The following BRD1 variants were observed in gnomAD, a reference collection of about 807,000 sequenced individuals.
BRD1 encodes bromodomain-containing protein 1.
Under a neutral mutation model 107.7 loss-of-function variants are expected in BRD1, and 24 were observed. The ratio of observed to expected loss-of-function variants is 0.22; its 90% CI spans 0.16 to 0.31. BRD1 has a LOEUF of 0.31. BRD1 is among the 10% of genes least tolerant of loss of function. The pLI is 1.00. For missense variants in BRD1, 1,279 were observed against 1,638.6 expected (o/e 0.78, Z 3.79); for synonymous variants, 744 against 686.1 (o/e 1.08, Z -1.32).
intron 2 of BRD1, chr22:49,818,483 T>C (rs893047517): frequency 4.1e-6 from 3 of 740,134 alleles, no homozygotes; most frequent in Admixed American, 1.0e-4. Flanking sequence ...TTTCACCCCA[T>C]GTATGAACTC....
chr22:49,774,462 TATTTC>T, intron 12 of BRD1, 46 bp from the exon 13 acceptor site: 1 of 1,570,806 alleles, frequency 6.4e-7, no homozygotes. Context: ...TTGCACATGG[TATTTC>T]AGCAGGCTCC....
In BRD1 at chr22:49,827,660, G is replaced by A. The variant is rs936338907; in HGVS notation, c.-178C>T. On this transcript the variant is annotated 5_prime_UTR_variant, in exon 1 of 13. Transcript: ENST00000404760. ...GGCCCCTCTCGGCCGCGGCGGCTCC[G>A]GGCCCGGCAGCGGCGGCCGCGGACT... 16 of 145,044 alleles carry A rather than the reference G, an allele frequency of 1.1e-4. No individual in the cohort carries two copies. Among genetic ancestry groups the A allele is most frequent in the African/African-American group, 3.7e-4 (15 of 40,482 alleles). The allele number at this position is 145,044 out of a possible 1,614,324, so 9.0% of individuals were successfully genotyped here.
Position 49,797,957 on chromosome 22 carries a change from T to C in BRD1, c.1946A>G (p.Tyr649Cys), listed in dbSNP as rs2147141138. The C allele has an allele frequency of 4.3e-6, 7 of 1,614,214 alleles. No individual in the cohort carries two copies. The highest frequency in any genetic ancestry group is 1.3e-5 in the African/African-American group (1 of 75,050). The part of the protein sequence containing the change: ...MKYNARDTVF[Y>C]RAAVRLRDQG... ...ATCGCGCAGCCTCACCGCGGCTCTA[T>C]AGAACACGGTGTCCCTGGCATTGTA... The change falls in exon 6 of 13, where the codon TAT (tyrosine) becomes TGT (cysteine). Residue 649 changes from tyrosine (Y) to cysteine (C), a missense_variant. Physicochemically the swap from Tyr to Cys is radical, Grantham distance 194. Around this residue, in one of 7 missense-constraint regions of BRD1, gnomAD observed 406 missense variants for 519.4 expected, o/e 0.78. Transcript: ENST00000404760.
At chr22:49,788,355 G>A (rs543336280) in intron 7 of BRD1, among the ~76,000 whole-genome samples, 47 of 152,088 alleles carry the variant, frequency 3.1e-4, no homozygotes, top group African/African-American at 1.1e-3. Context: ...AGTCAAAAAT[G>A]CAAAAACAAA....
chr22:49,777,102 T>A lies in BRD1; in HGVS notation c.3053A>T (p.Glu1018Val). 1 of 1,613,372 alleles carries A rather than the reference T, an allele frequency of 6.2e-7. No individual in the cohort carries two copies. The highest frequency in any genetic ancestry group is 8.5e-7 in the Non-Finnish European group (1 of 1,180,008). ...KPALVRRHTLEDRSELISCIE... is the reference protein window; with the variant it reads ...KPALVRRHTLVDRSELISCIE... ...GCAGGAGATCAGCTCACTGCGGTCC[T>A]CCAGCGTGTGCCGTCGCACAAGAGC... Residue 1018 changes from glutamate to valine, a missense_variant, in exon 10 of 13, where the codon GAG becomes GTG. Physicochemically the swap from Glu to Val is moderately radical, Grantham distance 121 (BLOSUM62 -2). Around this residue, in one of 7 missense-constraint regions of BRD1, gnomAD observed 263 missense variants for 251.6 expected, o/e 1.05. Transcript: ENST00000404760.
intron 6 of BRD1, among the ~76,000 whole-genome samples, chr22:49,797,086 C>G (rs929259131): frequency 6.6e-6 from 1 of 152,184 alleles, no homozygotes; most frequent in Non-Finnish European, 1.5e-5. Flanking sequence ...CAGGACACAC[C>G]CTTCGACAGA....
In BRD1 at chr22:49,798,981, G is replaced by A. The variant is rs995117684; in HGVS notation, c.1656+7C>T. The A allele has an allele frequency of 1.9e-6, 3 of 1,601,242 alleles. No individual in the cohort carries two copies. Among genetic ancestry groups the A allele is most frequent in the African/African-American group, 2.7e-5 (2 of 74,770 alleles). On this transcript the variant is annotated splice_region_variant and intron_variant, in intron 4 of 12. Coordinates refer to ENST00000404760, the MANE Select transcript of BRD1 (RefSeq NM_001304808.3). ...GTGCACTCCACGCGGGACAGGCCCA[G>A]CCCCACCTGCTCACGCTTGAGCTTC...
chr22:49,824,528 A>C lies in BRD1; in HGVS notation c.-14-197T>G, dbSNP rs116700292. 3.1e-3 allele frequency: 4,368 copies of C among 1,405,726 alleles called. 127 individuals are homozygous for C. The African/African-American group carries it at 0.055, about 18-fold the overall frequency. 87.1% of individuals were successfully genotyped at this position (1,405,726 alleles called of 1,614,324 possible). On this transcript the variant is annotated intron_variant, in intron 1 of 12. Transcript: ENST00000404760. The surrounding 1 kb of genome is among the most constrained non-coding windows in gnomAD (Gnocchi z 5.9). ...GAGTCCCCAGGACCAGGGAGGGAGC[A>C]GCAGTAACAGGCAGAGAGGCAGCCT...
Position 49,787,302 on chromosome 22 carries a change from C to A in BRD1, c.2857+88G>T, listed in dbSNP as rs532084776. Reference sequence around the variant, plus strand: ...GCTGCAAAAACAGAAGCTGGACACCCCCCCCCCCCCGTCACACCAATGATC... The same window carrying A: ...GCTGCAAAAACAGAAGCTGGACACCACCCCCCCCCCGTCACACCAATGATC... On this transcript the variant is annotated intron_variant, in intron 8 of 12. Transcript: ENST00000404760. 5.2e-4 allele frequency: 389 copies of A among 751,052 alleles called. 12 individuals carry two copies. The highest frequency in any genetic ancestry group is 6.8e-4 in the Non-Finnish European group (353 of 518,602). The allele number at this position is 751,052 out of a possible 1,614,324, so 46.5% of individuals were successfully genotyped here. A position where few individuals can be genotyped will look rare whatever the true frequency, so the allele number is the denominator to read the frequency against.
chr22:49,777,231 G>A (rs547589314), intron 9 of BRD1, 70 bp from the exon 10 acceptor site: 176 of 1,588,548 alleles, frequency 1.1e-4, no homozygotes, highest in East Asian at 1.6e-4. Context: ...GCTTCGTCCC[G>A]TGAGCTGTCC....
intron 2 of BRD1, among the ~76,000 whole-genome samples, chr22:49,805,203 T>C (rs923815215): frequency 1.3e-5 from 2 of 152,306 alleles, no homozygotes; most frequent in Middle Eastern, 6.8e-3. Flanking sequence ...AGTGCTGCCC[T>C]TGGGGGCACA....
At position 49,777,048 on chromosome 22, in the gene BRD1, G is replaced by T. The variant is rs769405191; in HGVS notation, c.3107C>A (p.Ala1036Asp). The T allele has an allele frequency of 6.2e-7, 1 of 1,613,168 alleles. No individual in the cohort carries two copies. The highest frequency in any genetic ancestry group is 1.7e-5 in the Admixed American group (1 of 60,038). The change falls in exon 10 of 13, where the codon GCC becomes GAC. Residue 1036 changes from alanine to aspartate, a missense_variant. Ala to Asp is a moderately radical substitution (Grantham distance 126). Coordinates refer to ENST00000404760, the MANE Select transcript of BRD1 (RefSeq NM_001304808.3). ...CIENGNYAKA[A>D]RIAAEVGQSS... Reference sequence around the variant, plus strand: ...GGGCGACTCACCGGCTGCGATCCTGGCCGCCTTGGCGTAGTTCCCATTCTC... The same window carrying T: ...GGGCGACTCACCGGCTGCGATCCTGTCCGCCTTGGCGTAGTTCCCATTCTC...
chr22:49,805,773 ACT>A (rs2059732045), intron 2 of BRD1: 1 of 133,656 alleles, frequency 7.5e-6, no homozygotes, highest in Admixed American at 8.3e-5. Context: ...ATGGAGTCTC[ACT>A]CTATTGCCCA....
chr22:49,774,930 G>C (rs1431313359), intron 12 of BRD1, among the ~76,000 whole-genome samples: 2 of 152,252 alleles, frequency 1.3e-5, no homozygotes, highest in Admixed American at 1.3e-4. Flanking sequence ...GTGGCCCCGA[G>C]CCCCTGCGCC....
chr22:49,775,880 C>CTCA, intron 11 of BRD1, 135 bp from the exon 12 acceptor site: 4 of 1,183,480 alleles, frequency 3.4e-6, no homozygotes, highest in Admixed American at 2.2e-5. Flanking sequence ...CCCCCCTCGC[C>CTCA]GAACCACCCC....
Position 49,824,218 on chromosome 22 carries a change from C to T in BRD1, c.100G>A (p.Ala34Thr), listed in dbSNP as rs778657442. ...ATCTCTACCATCCTTTGAGCTTGAG[C>T]GTAGGTCAGCGTTTCTCGCGTAGGG... ...HSPTRETLTY[A>T]QAQRMVEIEI... Residue 34 changes from alanine (A) to threonine (T), a missense_variant, in exon 2 of 13, where the codon GCT (alanine) becomes ACT (threonine). Coordinates refer to ENST00000404760, the MANE Select transcript of BRD1 (RefSeq NM_001304808.3). The surrounding 1 kb of genome is among the most constrained non-coding windows in gnomAD (Gnocchi z 5.9). The T allele has an allele frequency of 1.9e-6, 3 of 1,613,918 alleles. No individual in the cohort carries two copies. The highest frequency in any genetic ancestry group is 2.2e-5 in the East Asian group (1 of 44,890).
intron 6 of BRD1, among the ~76,000 whole-genome samples, chr22:49,796,397 C>T (rs897570675): frequency 7.3e-5 from 11 of 150,440 alleles, no homozygotes; most frequent in African/African-American, 2.4e-4. Flanking sequence ...CACTCTGTCA[C>T]CCAGGCTTCA....
In BRD1 at chr22:49,804,183, TG is replaced by T; in HGVS notation, c.1524+20del. The T allele has an allele frequency of 6.4e-7, 1 of 1,553,680 alleles. No homozygotes were observed. The highest frequency in any genetic ancestry group is 8.7e-7 in the Non-Finnish European group (1 of 1,149,072). ...GGGGGTGAGAGACGCAGAAAGGCTG[TG>T]GGGGCCACGAGCCACGTACCTGCTG... On this transcript the variant is annotated intron_variant, in intron 3 of 12. Transcript: ENST00000404760.
chr22:49,821,882 C>T (rs1448460266), intron 2 of BRD1, among the ~76,000 whole-genome samples: 2 of 152,232 alleles, frequency 1.3e-5, no homozygotes, highest in Non-Finnish European at 2.9e-5. Context: ...GCTGGCTCTA[C>T]CCGCCCTGTT....
Sources: allele counts gnomAD v4.1 joint callset (sites outside exome capture counted in the v4.1 genomes callset), GRCh38; gene constraint gnomAD v4.1.1; regional missense constraint gnomAD v4.1.1; non-coding constraint Gnocchi (gnomAD v3.1); transcripts MANE v1.5; gene names NCBI Gene and HGNC (gene_info 2026-07-23, HGNC 2026-07-21).